The following CYFIP1 variants were observed in gnomAD, a reference collection of about 807,000 sequenced individuals.
CYFIP1 encodes the protein cytoplasmic FMR1 interacting protein 1, also known as cytoplasmic FMR1-interacting protein 1.
Under a neutral mutation model 163.5 loss-of-function variants are expected in CYFIP1, and 58 were observed. The ratio of observed to expected loss-of-function variants is 0.35; its 90% CI spans 0.29 to 0.44. The LOEUF is 0.44. Ranked by LOEUF, CYFIP1 falls within the 20% of genes least tolerant of loss-of-function variation. CYFIP1 has a pLI of 1.00. For synonymous variants in CYFIP1, 663 were observed against 660.7 expected, an observed-to-expected ratio of 1.00 and a Z score of -0.05; for missense variants, 1,338 against 1,653.8, an observed-to-expected ratio of 0.81 and a Z score of 3.31.
intron 11 of CYFIP1, among the ~76,000 whole-genome samples, chr15:22,930,801 T>C (rs144298532): frequency 5.3e-5 from 8 of 152,286 alleles, no homozygotes; most frequent in African/African-American, 1.9e-4. Context: ...AAAAAGTTTA[T>C]AAAGTAAAAA....
chr15:22,921,369 AAAATAAATAAATAAATAAAT>A (rs111633687), intron 13 of CYFIP1, among the ~76,000 whole-genome samples: 4 of 148,946 alleles, frequency 2.7e-5, no homozygotes, highest in Admixed American at 2.7e-4. Context: ...CTCTGTCTCA[AAAATAAATAAATAAATAAAT>A]AAATAAATAA....
chr15:22,957,845 A>G (rs2062531521), intron 1 of CYFIP1, among the ~76,000 whole-genome samples: 1 of 152,186 alleles, frequency 6.6e-6, no homozygotes, highest in Non-Finnish European at 1.5e-5. Flanking sequence ...AATAGGCATA[A>G]AATAAATCAT....
At chr15:22,874,748 T>C (rs760228262) in intron 27 of CYFIP1, 104 bp from the exon 28 acceptor site, 33 of 699,814 alleles carry the variant, frequency 4.7e-5, no homozygotes, top group Non-Finnish European at 6.9e-5. Flanking sequence ...AAGTTAACAT[T>C]ATGGATACAG....
intron 23 of CYFIP1, among the ~76,000 whole-genome samples, chr15:22,883,530 G>A (rs1447982944): frequency 6.6e-6 from 1 of 152,146 alleles, no homozygotes; most frequent in East Asian, 1.9e-4. Flanking sequence ...AAAAAAAGCA[G>A]GTTTAGGCCA....
chr15:22,895,154 A>G (rs1045805827), intron 22 of CYFIP1, among the ~76,000 whole-genome samples: 4 of 151,922 alleles, frequency 2.6e-5, no homozygotes, highest in Non-Finnish European at 4.4e-5. Context: ...AGCTGGGACT[A>G]CAGGCGCCCG....
chr15:22,903,593 A>G, intron 22 of CYFIP1, 113 bp downstream of exon 22: 1 of 1,133,920 alleles, frequency 8.8e-7, no homozygotes, highest in Admixed American at 1.8e-5. Flanking sequence ...GTGAGAAGTG[A>G]TGGGGAGCAG....
In CYFIP1 at chr15:22,869,291, A is replaced by G. The variant is rs1245003015; in HGVS notation, c.*737T>C. ...ACACCTCATTTGCCTGCGGAACCCT[A>G]AATATAAAGCTAAACCTGTGCTGAG... On this transcript the variant is annotated 3_prime_UTR_variant, in exon 31 of 31. Coordinates refer to ENST00000617928, the MANE Select transcript of CYFIP1 (RefSeq NM_014608.6). The G allele has an allele frequency of 4.0e-5, 6 of 148,396 alleles. No homozygotes were observed. Among genetic ancestry groups the G allele is most frequent in the Admixed American group, 4.0e-4 (6 of 15,140 alleles). 9.2% of individuals were successfully genotyped at this position (148,396 alleles called of 1,614,324 possible). A position where few individuals can be genotyped will look rare whatever the true frequency, so the allele number is the denominator to read the frequency against.
chr15:22,886,373 T>C lies in CYFIP1; in HGVS notation c.2677-3362A>G, dbSNP rs149154530. On this transcript the variant is annotated intron_variant, in intron 23 of 30. Coordinates refer to ENST00000617928, the MANE Select transcript of CYFIP1 (RefSeq NM_014608.6). The stretch of plus-strand genomic sequence containing the variant: ...CCCCTACTGTGAGTATTCAGTGCTA[T>C]AAATTTCCCTCTCAGCACTTTAGCT... 3.9e-5 allele frequency among the ~76,000 whole-genome samples: 6 copies of C among 152,318 alleles called. No individual in the cohort carries two copies. The East Asian group carries it at 1.2e-3, about 29-fold the overall frequency.
At chr15:22,967,303 T>C (rs1595727190) in intron 1 of CYFIP1, among the ~76,000 whole-genome samples, 2 of 152,160 alleles carry the variant, frequency 1.3e-5, no homozygotes, top group African/African-American at 4.8e-5. Flanking sequence ...GGGGCCCGAC[T>C]AAGCCCTGCT....
chr15:22,910,910 AG>A, intron 18 of CYFIP1, 97 bp from the exon 19 acceptor site: 1 of 1,049,878 alleles, frequency 9.5e-7, no homozygotes, highest in Non-Finnish European at 1.5e-6. Context: ...CAACTAACTG[AG>A]GCTCTTTTAT....
chr15:22,899,361 T>C (rs1440148384), intron 22 of CYFIP1, among the ~76,000 whole-genome samples: 1 of 152,196 alleles, frequency 6.6e-6, no homozygotes, highest in Non-Finnish European at 1.5e-5. Flanking sequence ...AACATGCACA[T>C]TGATATGGTT....
At chr15:22,937,383 GA>G (rs1322884195) in intron 8 of CYFIP1, among the ~76,000 whole-genome samples, 175 bp from the exon 9 acceptor site, 39 of 152,250 alleles carry the variant, frequency 2.6e-4, no homozygotes, top group African/African-American at 9.4e-4. Context: ...TATCCTCAGT[GA>G]AACTGGGATA....
At chr15:22,980,782 C>T (rs1271932125), upstream of CYFIP1, among the ~76,000 whole-genome samples, 1 of 152,032 alleles carries the variant, frequency 6.6e-6, no homozygotes, top group East Asian at 1.9e-4. Flanking sequence ...CCCCACTTGG[C>T]AGGAGGCGCT....
intron 1 of CYFIP1, chr15:22,948,014 G>A (rs898833452): frequency 1.7e-4 from 163 of 984,316 alleles, no homozygotes; most frequent in Non-Finnish European, 1.9e-4. Flanking sequence ...GGGACCAGGG[G>A]CAGCTGAGCC....
rs2059551577 is a variant in CYFIP1 at position 22,875,276 on chromosome 15, A to G, written c.3043-5T>C. ...GTCACACACTTCTTCTAAAGACTAG[A>G]GCAGAGAAAGAGAGGGTCAAGCTAG... On this transcript the variant is annotated splice_polypyrimidine_tract_variant and splice_region_variant and intron_variant, in intron 26 of 30. Coordinates refer to ENST00000617928, the MANE Select transcript of CYFIP1 (RefSeq NM_014608.6). 1 of 1,613,752 alleles carries G rather than the reference A, an allele frequency of 6.2e-7. No homozygotes were observed. The highest frequency in any genetic ancestry group is 1.3e-5 in the African/African-American group (1 of 74,920).
chr15:22,894,362 T>A (rs916923765), intron 22 of CYFIP1, among the ~76,000 whole-genome samples: 1 of 137,362 alleles, frequency 7.3e-6, no homozygotes, highest in African/African-American at 2.7e-5. Context: ...TGATCTTGGC[T>A]CACCACAACC....
intron 1 of CYFIP1, among the ~76,000 whole-genome samples, chr15:22,965,970 A>AT (rs2062887581): frequency 6.6e-6 from 1 of 152,170 alleles, no homozygotes; most frequent in Admixed American, 6.5e-5. Flanking sequence ...GGACCTCAGA[A>AT]TGCTTCCGTT....
At chr15:22,876,730 C>G (rs546082342) in intron 26 of CYFIP1, among the ~76,000 whole-genome samples, 1 of 151,872 alleles carries the variant, frequency 6.6e-6, no homozygotes, top group Non-Finnish European at 1.5e-5. Flanking sequence ...ACTCGGGAGA[C>G]TGAGGCAGGA....
intron 22 of CYFIP1, among the ~76,000 whole-genome samples, chr15:22,894,447 C>T (rs1017467577): frequency 1.3e-5 from 2 of 151,532 alleles, no homozygotes; most frequent in Non-Finnish European, 2.9e-5. Context: ...GTGCCACCAA[C>T]GCTTGGCTAA....
Sources: allele counts gnomAD v4.1 joint callset (sites outside exome capture counted in the v4.1 genomes callset), GRCh38; gene constraint gnomAD v4.1.1; transcripts MANE v1.5; gene names NCBI Gene and HGNC (gene_info 2026-07-23, HGNC 2026-07-21).